The following WRN variants were observed in gnomAD, a reference collection of about 807,000 sequenced individuals.
WRN encodes the protein bifunctional 3'-5' exonuclease/ATP-dependent helicase WRN.
A neutral mutation model predicts 180.7 loss-of-function variants in WRN; 149 were observed. The ratio of observed to expected loss-of-function variants is 0.82; its 90% CI spans 0.72 to 0.94. The LOEUF (loss-of-function observed/expected upper bound fraction) is 0.94, where lower values mean the gene tolerates loss of function less well. Ranked by LOEUF, WRN falls within the 40% of genes least tolerant of loss-of-function variation. The pLI, the probability that WRN is intolerant of heterozygous loss-of-function variation, is 0.00. For synonymous variants in WRN, 548 were observed against 568.9 expected, an observed-to-expected ratio of 0.96 and a Z score of 0.52; for missense variants, 1,661 against 1,700.1, an observed-to-expected ratio of 0.98 and a Z score of 0.40.
intron 34 of WRN, among the ~76,000 whole-genome samples, chr8:31,168,442 G>C (rs1420348644): frequency 7.9e-6 from 1 of 126,938 alleles, no homozygotes; most frequent in Admixed American, 1.0e-4. Context: ...TGCCATTTTT[G>C]CTTTTTCCCT....
At chr8:31,090,144 C>T (rs918515755) in intron 13 of WRN, among the ~76,000 whole-genome samples, 6 of 151,112 alleles carry the variant, frequency 4.0e-5, no homozygotes, top group Non-Finnish European at 5.9e-5. Context: ...CCTTTTCAGT[C>T]AGTCCTTGTC....
chr8:31,127,563 A>G (rs1801974679), intron 23 of WRN, among the ~76,000 whole-genome samples: 1 of 152,032 alleles, frequency 6.6e-6, no homozygotes, highest in Non-Finnish European at 1.5e-5. Context: ...CACTAAGAAG[A>G]CAGAATTGTT....
chr8:31,077,752 A>G (rs1358358995), intron 8 of WRN, among the ~76,000 whole-genome samples: 1 of 152,258 alleles, frequency 6.6e-6, no homozygotes. Context: ...GTCAATTAAA[A>G]TATAGAGACA....
At chr8:31,040,991 A>G (rs775138440) in intron 1 of WRN, among the ~76,000 whole-genome samples, 46 of 152,286 alleles carry the variant, frequency 3.0e-4, no homozygotes, top group Middle Eastern at 6.8e-3. Flanking sequence ...GTTTGCACAC[A>G]TGGAGAGGTT....
At position 31,100,947 on chromosome 8, in the gene WRN, C is replaced by T. The variant is rs1014803449; in HGVS notation, c.2080C>T (p.Leu694=). The T allele has an allele frequency of 6.2e-7, 1 of 1,613,640 alleles. No individual in the cohort carries two copies. Among genetic ancestry groups the T allele is most frequent in the Non-Finnish European group, 8.5e-7 (1 of 1,179,668 alleles). ...GAAGTTGGGCTCCCTAAAGACAGCA[C>T]TGCCAATGGTAAGCTTTGCCAAGTC... ...FRKLGSLKTA[L]PMVPIVALTA... Residue 694 remains leucine (L), a synonymous_variant, in exon 18 of 35, where the codon CTG becomes TTG. Coordinates refer to ENST00000298139, the MANE Select transcript of WRN (RefSeq NM_000553.6).
At chr8:31,066,957 A>G (rs1344475748) in intron 5 of WRN, 76 bp from the exon 6 acceptor site, 2 of 1,549,480 alleles carry the variant, frequency 1.3e-6, no homozygotes, top group East Asian at 2.3e-5. Context: ...TATTTGTGGT[A>G]TGTTCATTTG....
At chr8:31,147,031 T>A (rs746379869) in intron 28 of WRN, 22 bp from the exon 29 acceptor site, 1 of 1,571,984 alleles carries the variant, frequency 6.4e-7, no homozygotes, top group Admixed American at 1.7e-5. Context: ...TTTTATTATT[T>A]ATTTTCTTTT....
chr8:31,053,964 G>A (rs1052046441), intron 1 of WRN, among the ~76,000 whole-genome samples: 1 of 152,234 alleles, frequency 6.6e-6, no homozygotes, highest in South Asian at 2.1e-4. Context: ...GAAGCTATTA[G>A]ACTTAAAAAA....
rs758132889 is a variant in WRN at position 31,173,020 on chromosome 8, G to C, written c.4217G>C (p.Arg1406Pro). 6 of 1,613,778 alleles carry C rather than the reference G, an allele frequency of 3.7e-6. No individual in the cohort carries two copies. The highest frequency in any genetic ancestry group is 1.3e-5 in the African/African-American group (1 of 74,890). ...ACTTCATCTGCAGAGAGAAAGAGACGATTACCTGTGTGGTTTGCCAAAGGA... is the reference window on the plus strand; with the variant it reads ...ACTTCATCTGCAGAGAGAAAGAGACCATTACCTGTGTGGTTTGCCAAAGGA... The part of the protein sequence containing the change: ...TETSSAERKR[R>P]LPVWFAKGSD... The change falls in exon 35 of 35, where the codon CGA becomes CCA. Residue 1406 changes from arginine to proline, a missense_variant. Physicochemically the swap from Arg to Pro is moderately radical, Grantham distance 103 (BLOSUM62 -2). This residue lies in a region of WRN where 1,141 missense variants were observed against 1,149.4 expected (regional missense o/e 0.99). Transcript: ENST00000298139.
intron 3 of WRN, among the ~76,000 whole-genome samples, chr8:31,059,529 G>T (rs576981043): frequency 6.6e-6 from 1 of 151,910 alleles, no homozygotes; most frequent in Non-Finnish European, 1.5e-5. Context: ...CTGCTGAAGC[G>T]AGCACGACAG....
intron 30 of WRN, among the ~76,000 whole-genome samples, chr8:31,149,575 A>G (rs1228078112): frequency 7.5e-6 from 1 of 134,004 alleles, no homozygotes; most frequent in Non-Finnish European, 1.5e-5. Context: ...CCTGGGTTCA[A>G]GCAATTCTCC....
chr8:31,074,321 A>G (rs1188350489), intron 7 of WRN, among the ~76,000 whole-genome samples: 1 of 152,086 alleles, frequency 6.6e-6, no homozygotes, highest in Admixed American at 6.5e-5. Context: ...AAAATTTGAG[A>G]GAGTGAGTGT....
intron 20 of WRN, among the ~76,000 whole-genome samples, chr8:31,117,179 G>A (rs1005707848): frequency 6.6e-6 from 1 of 152,146 alleles, no homozygotes; most frequent in African/African-American, 2.4e-5. Flanking sequence ...TCTGTAATAG[G>A]TAAAACGGAT....
At chr8:31,047,117 T>C (rs1184494884) in intron 1 of WRN, among the ~76,000 whole-genome samples, 1 of 151,430 alleles carries the variant, frequency 6.6e-6, no homozygotes, top group South Asian at 2.1e-4. Flanking sequence ...TATGCGTTTC[T>C]CTTTCTACCT....
chr8:31,052,044 T>C (rs1412044154), intron 1 of WRN, among the ~76,000 whole-genome samples: 1 of 152,252 alleles, frequency 6.6e-6, no homozygotes, highest in African/African-American at 2.4e-5. Context: ...TTCTTTGCTA[T>C]AGTGACAAAC....
At chr8:31,081,713 C>G (rs11574223) in intron 9 of WRN, among the ~76,000 whole-genome samples, 2,079 of 152,080 alleles carry the variant, frequency 0.014, 44 homozygotes, top group African/African-American at 0.047. Flanking sequence ...ACTCTTCTGA[C>G]TTTGATTTTT....
intron 3 of WRN, 49 bp from the exon 4 acceptor site, chr8:31,064,240 A>G (rs1359047762): frequency 6.2e-7 from 1 of 1,607,586 alleles, no homozygotes; most frequent in Non-Finnish European, 8.5e-7. Context: ...GTTATGCAGA[A>G]GTTTAAAATT....
intron 6 of WRN, among the ~76,000 whole-genome samples, chr8:31,067,460 GA>G (rs1812756991): frequency 6.6e-6 from 1 of 152,172 alleles, no homozygotes; most frequent in Non-Finnish European, 1.5e-5. Context: ...TGAACTTGCT[GA>G]AAACATGAAA....
intron 23 of WRN, among the ~76,000 whole-genome samples, chr8:31,125,255 C>T (rs574419095): frequency 3.3e-5 from 5 of 151,038 alleles, no homozygotes; most frequent in Non-Finnish European, 7.4e-5. Context: ...TATTTAAAGG[C>T]GTAAATTGTA....
Sources: allele counts gnomAD v4.1 joint callset (sites outside exome capture counted in the v4.1 genomes callset), GRCh38; gene constraint gnomAD v4.1.1; regional missense constraint gnomAD v4.1.1; transcripts MANE v1.5; gene names NCBI Gene and HGNC (gene_info 2026-07-23, HGNC 2026-07-21).